TRPS1: variants seen among roughly 807,000 people sequenced by gnomAD.
The protein encoded by TRPS1 is zinc finger transcription factor Trps1.
TRPS1 carries 6 observed loss-of-function variants against 101.2 expected under a neutral mutation model. The observed-to-expected ratio is 0.06, with a 90% CI of 0.03 to 0.12. TRPS1 has a LOEUF of 0.12. Ranked by LOEUF, TRPS1 falls within the 10% of genes least tolerant of loss-of-function variation. The pLI is 1.00. For missense variants in TRPS1, 1,363 were observed against 1,567.0 expected (o/e 0.87, Z 2.20); for synonymous variants, 578 against 589.8 (o/e 0.98, Z 0.29).
In TRPS1 at chr8:115,619,755, G is replaced by A. The variant is rs748128322; in HGVS notation, c.343C>T (p.His115Tyr). ...SKGGNFPSFP[H>Y]DEVTDRNMLA... is the part of the protein sequence containing the mutation. ...ATATTTCTGTCTGTCACCTCATCAT[G>A]CGGAAAGGAGGGAAAGTTTCCTCCC... is the stretch of plus-strand genomic sequence containing the variant. The change falls in exon 3 of 7, where the codon CAT (histidine) becomes TAT (tyrosine). Residue 115 changes from histidine (H) to tyrosine (Y), a missense_variant. Physicochemically the swap from His to Tyr is moderately conservative, Grantham distance 83. Transcript: ENST00000395715. 15 of 1,614,074 alleles carry A rather than the reference G, an allele frequency of 9.3e-6. No homozygotes were observed. The highest frequency in any genetic ancestry group is 6.7e-5 in the African/African-American group (5 of 74,926).
At chr8:115,632,568 C>T (rs1818671158) in intron 1 of TRPS1, among the ~76,000 whole-genome samples, 1 of 152,058 alleles carries the variant, frequency 6.6e-6, no homozygotes, top group African/African-American at 2.4e-5. Context: ...AAATCTGTAT[C>T]AGCAGTAGAA....
chr8:115,528,484 A>T (rs980483001), intron 5 of TRPS1, among the ~76,000 whole-genome samples: 7 of 152,046 alleles, frequency 4.6e-5, no homozygotes, highest in Non-Finnish European at 1.0e-4. Flanking sequence ...CCAATAAGGA[A>T]GCCACATTTT....
At chr8:115,460,492 T>C (rs967533390) in intron 5 of TRPS1, among the ~76,000 whole-genome samples, 1 of 152,084 alleles carries the variant, frequency 6.6e-6, no homozygotes, top group African/African-American at 2.4e-5. Context: ...GAATAATAGA[T>C]AAATATTTTA....
At chr8:115,605,050 A>C in intron 3 of TRPS1, 48 bp from the exon 4 acceptor site, 1 of 1,585,270 alleles carries the variant, frequency 6.3e-7, no homozygotes, top group Non-Finnish European at 8.6e-7. Flanking sequence ...TCATTAATTC[A>C]ATGGGCCCTC....
chr8:115,453,350 T>C (rs1270903073), intron 5 of TRPS1, among the ~76,000 whole-genome samples: 1 of 152,176 alleles, frequency 6.6e-6, no homozygotes, highest in Non-Finnish European at 1.5e-5. Flanking sequence ...TAAAGTTGGA[T>C]AGAGTCAGCT....
At chr8:115,605,468 T>C (rs919881339) in intron 3 of TRPS1, among the ~76,000 whole-genome samples, 1 of 152,132 alleles carries the variant, frequency 6.6e-6, no homozygotes, top group Non-Finnish European at 1.5e-5. Flanking sequence ...AATATTCTGT[T>C]CAGTTCCTAC....
intron 3 of TRPS1, among the ~76,000 whole-genome samples, chr8:115,618,433 G>A (rs936012257): frequency 2.6e-5 from 4 of 152,068 alleles, no homozygotes; most frequent in Non-Finnish European, 4.4e-5. Context: ...GAACAAAAAG[G>A]TAGGCTGTTT....
intron 5 of TRPS1, among the ~76,000 whole-genome samples, chr8:115,535,548 CATAT>C (rs140856876): frequency 6.9e-6 from 1 of 145,196 alleles, no homozygotes; most frequent in Non-Finnish European, 1.5e-5. Flanking sequence ...ATATATAGCG[CATAT>C]ATATATATAT....
chr8:115,535,227 T>TATACATAGC (rs1554583774), intron 5 of TRPS1, among the ~76,000 whole-genome samples: 1 of 118,832 alleles, frequency 8.4e-6, no homozygotes, highest in African/African-American at 3.2e-5. Flanking sequence ...ATATAGCATA[T>TATACATAGC]ATATATAGCA....
At chr8:115,612,126 TAAA>T (rs1390511953) in intron 3 of TRPS1, among the ~76,000 whole-genome samples, 2 of 121,882 alleles carry the variant, frequency 1.6e-5, no homozygotes, top group African/African-American at 6.3e-5. Context: ...GAAAGGAAGA[TAAA>T]AGAAGGAGGA....
At chr8:115,440,176 A>G (rs1389176996) in intron 5 of TRPS1, among the ~76,000 whole-genome samples, 1 of 152,208 alleles carries the variant, frequency 6.6e-6, no homozygotes, top group Non-Finnish European at 1.5e-5. Flanking sequence ...TATGTGGGCG[A>G]TTTCTTAAAT....
At chr8:115,599,185 TTC>T (rs1309595868) in intron 4 of TRPS1, among the ~76,000 whole-genome samples, 1 of 152,188 alleles carries the variant, frequency 6.6e-6, no homozygotes, top group Non-Finnish European at 1.5e-5. Flanking sequence ...CTCTTAAATA[TTC>T]TGTCTAATGC....
intron 5 of TRPS1, among the ~76,000 whole-genome samples, chr8:115,546,028 C>T (rs1160749417): frequency 2.0e-5 from 3 of 151,960 alleles, no homozygotes; most frequent in Non-Finnish European, 4.4e-5. Context: ...TATTATCATC[C>T]CTCACCTAAA....
chr8:115,530,557 G>A (rs1184833108), intron 5 of TRPS1, among the ~76,000 whole-genome samples: 2 of 152,116 alleles, frequency 1.3e-5, no homozygotes, highest in East Asian at 3.9e-4. Context: ...GGTAAATGCA[G>A]TAATTACAGG....
At chr8:115,486,827 A>G (rs970941016) in intron 5 of TRPS1, among the ~76,000 whole-genome samples, 5 of 152,254 alleles carry the variant, frequency 3.3e-5, no homozygotes, top group African/African-American at 1.2e-4. Flanking sequence ...GAAAGAAGCC[A>G]TCTCCATATA....
chr8:115,537,041 G>A (rs944942397), intron 5 of TRPS1, among the ~76,000 whole-genome samples: 3 of 152,010 alleles, frequency 2.0e-5, no homozygotes, highest in Non-Finnish European at 4.4e-5. Context: ...AACAGAGGGA[G>A]CTCACACATA....
chr8:115,653,331 G>C (rs1447531563), intron 1 of TRPS1, among the ~76,000 whole-genome samples: 1 of 152,006 alleles, frequency 6.6e-6, no homozygotes, highest in African/African-American at 2.4e-5. Context: ...GCTATATAGA[G>C]ATAGTAGCCA....
At chr8:115,548,504 T>G (rs958716055) in intron 5 of TRPS1, among the ~76,000 whole-genome samples, 5 of 151,838 alleles carry the variant, frequency 3.3e-5, no homozygotes, top group Admixed American at 3.3e-4. Flanking sequence ...CACCACGCCC[T>G]GCTGATCGCG....
intron 5 of TRPS1, among the ~76,000 whole-genome samples, chr8:115,537,326 C>A (rs986120535): frequency 1.3e-5 from 2 of 152,070 alleles, no homozygotes; most frequent in Non-Finnish European, 2.9e-5. Context: ...AATGTGTTCT[C>A]AAAATTATAC....
Sources: allele counts gnomAD v4.1 joint callset (sites outside exome capture counted in the v4.1 genomes callset), GRCh38; gene constraint gnomAD v4.1.1; transcripts MANE v1.5; gene names NCBI Gene and HGNC (gene_info 2026-07-23, HGNC 2026-07-21).